Variants in TTLL11 observed in about 807,000 individuals in gnomAD.
TTLL11 encodes tubulin polyglutamylase TTLL11.
Under a neutral mutation model 51.7 loss-of-function variants are expected in TTLL11, and 42 were observed. The observed-to-expected ratio is 0.81, with a 90% confidence interval of 0.64 to 1.05. The LOEUF is 1.05. Among genes scored for constraint, TTLL11 ranks in the 50% least tolerant of loss-of-function variants. The probability of loss-of-function intolerance (pLI) is 0.00; values close to 1 mark genes in which losing one functional copy is unlikely to be tolerated. For missense variants in TTLL11, 799 were observed against 940.4 expected (o/e 0.85, Z 1.97); for synonymous variants, 381 against 383.5 (o/e 0.99, Z 0.08).
In TTLL11 at chr9:121,870,559, G is replaced by A; in HGVS notation, c.1671C>T (p.Ile557=). ...TTGTCCCCTTGATGCCCAGGAACCG[G>A]ATAAACAAATTTGCCATCCTGTCCA... ...RLVDRMANLF[I]RFLGIKGTMK... is the part of the protein sequence containing the mutation. The change falls in exon 7 of 9, where the codon ATC becomes ATT. Residue 557 remains isoleucine (I), a synonymous_variant. Transcript: ENST00000321582. 1 of 1,551,648 alleles carries A rather than the reference G, an allele frequency of 6.4e-7. No individual in the cohort carries two copies. The highest frequency in any genetic ancestry group is 8.7e-7 in the Non-Finnish European group (1 of 1,146,982).
intron 4 of TTLL11, among the ~76,000 whole-genome samples, chr9:121,981,897 G>A (rs1401248973): frequency 6.6e-6 from 1 of 152,150 alleles, no homozygotes; most frequent in Non-Finnish European, 1.5e-5. Flanking sequence ...CCCTGTGTGA[G>A]CCCTGGAAAT....
intron 1 of TTLL11, among the ~76,000 whole-genome samples, chr9:122,051,173 A>AGGT (rs1201847787): frequency 1.3e-5 from 2 of 152,216 alleles, no homozygotes; most frequent in African/African-American, 4.8e-5. Flanking sequence ...ACAATGTGCC[A>AGGT]GGTATCTTAC....
At chr9:121,951,720 A>G (rs956728734) in intron 6 of TTLL11, among the ~76,000 whole-genome samples, 3 of 152,232 alleles carry the variant, frequency 2.0e-5, no homozygotes, top group African/African-American at 7.2e-5. Flanking sequence ...CTCCCGCAGG[A>G]AAGAATTCAG....
chr9:121,891,490 G>A (rs931646190), intron 6 of TTLL11, among the ~76,000 whole-genome samples: 2 of 152,170 alleles, frequency 1.3e-5, no homozygotes, highest in African/African-American at 4.8e-5. Context: ...ACCAGCTGAA[G>A]TCCTTCCATA....
intron 1 of TTLL11, among the ~76,000 whole-genome samples, chr9:122,077,288 A>G (rs1845888450): frequency 6.6e-6 from 1 of 152,176 alleles, no homozygotes; most frequent in South Asian, 2.1e-4. Flanking sequence ...GTGAAGTTCA[A>G]AAAAGAATAA....
intron 6 of TTLL11, among the ~76,000 whole-genome samples, chr9:121,893,020 G>A (rs1338635816): frequency 6.6e-6 from 1 of 152,112 alleles, no homozygotes; most frequent in Non-Finnish European, 1.5e-5. Flanking sequence ...GGTCCCAGAG[G>A]AAATCATTAG....
intron 6 of TTLL11, among the ~76,000 whole-genome samples, chr9:121,935,841 A>G (rs1793611195): frequency 6.6e-6 from 1 of 152,154 alleles, no homozygotes; most frequent in South Asian, 2.1e-4. Context: ...GAGCTCAGGG[A>G]AATGATGCGT....
chr9:122,069,097 C>T (rs1387932375), intron 1 of TTLL11, among the ~76,000 whole-genome samples: 1 of 151,464 alleles, frequency 6.6e-6, no homozygotes, highest in Non-Finnish European at 1.5e-5. Flanking sequence ...ACCGTTTATC[C>T]TACTCAAGTG....
At chr9:121,899,724 T>G (rs1839700086) in intron 6 of TTLL11, among the ~76,000 whole-genome samples, 1 of 152,072 alleles carries the variant, frequency 6.6e-6, no homozygotes, top group Non-Finnish European at 1.5e-5. Flanking sequence ...TTTAATTAAT[T>G]TTTTCCTCCA....
intron 6 of TTLL11, among the ~76,000 whole-genome samples, chr9:121,926,077 G>A (rs1014944078): frequency 6.6e-6 from 1 of 152,184 alleles, no homozygotes; most frequent in African/African-American, 2.4e-5. Flanking sequence ...GTCTCTCGAG[G>A]GGTTTTTTAA....
intron 6 of TTLL11, among the ~76,000 whole-genome samples, chr9:121,908,433 G>C (rs1014957622): frequency 6.6e-6 from 1 of 152,214 alleles, no homozygotes; most frequent in African/African-American, 2.4e-5. Flanking sequence ...CATGTCTCCA[G>C]GTTAGAAGGC....
chr9:121,899,429 A>C (rs1435444673), intron 6 of TTLL11, among the ~76,000 whole-genome samples: 1 of 150,004 alleles, frequency 6.7e-6, no homozygotes, highest in East Asian at 1.9e-4. Context: ...TTAGAGACAG[A>C]GTCTCAGTCT....
Position 121,853,748 on chromosome 9 carries a change from G to A in TTLL11, c.1840+6589C>T, listed in dbSNP as rs933644357. 1.2e-4 allele frequency among the ~76,000 whole-genome samples: 18 copies of A among 152,136 alleles called. No individual in the cohort carries two copies. The highest frequency in any genetic ancestry group is 4.1e-4 in the South Asian group (2 of 4,822). On this transcript the variant is annotated intron_variant, in intron 8 of 8. Transcript: ENST00000321582. This position sits in a 1 kb window ranked among gnomAD's most constrained non-coding sequence, Gnocchi z 5.6. ...CCCCAGCCTCACTGTCCCCACTGTCGCCAGGGTGGGATGAGGAGGGCCTGG... is the reference window on the plus strand; with the variant it reads ...CCCCAGCCTCACTGTCCCCACTGTCACCAGGGTGGGATGAGGAGGGCCTGG...
At chr9:121,938,174 C>T (rs896388119) in intron 6 of TTLL11, among the ~76,000 whole-genome samples, 9 of 151,470 alleles carry the variant, frequency 5.9e-5, no homozygotes, top group East Asian at 1.9e-4. Context: ...CTGTAGTCCC[C>T]GCTACTCGGG....
At chr9:122,041,836 T>G (rs1390892065) in intron 1 of TTLL11, among the ~76,000 whole-genome samples, 1 of 152,142 alleles carries the variant, frequency 6.6e-6, no homozygotes, top group African/African-American at 2.4e-5. Flanking sequence ...ATTGTTAGGA[T>G]GTCAATACTA....
intron 8 of TTLL11, among the ~76,000 whole-genome samples, chr9:121,850,378 T>C (rs1837632913): frequency 6.6e-6 from 1 of 151,734 alleles, no homozygotes; most frequent in African/African-American, 2.4e-5. Context: ...GCCAATGGTG[T>C]AACTCTCAGT....
rs1485027954 is a variant in TTLL11 at position 121,818,700 on chromosome 9, T to C, written c.*3887A>G. ...TTGCCACTGGGCAGAGGAAGGCCAT[T>C]CCAGGCAGAGGGGCCAGCAAGACAA... On this transcript the variant is annotated 3_prime_UTR_variant, in exon 9 of 9. Coordinates refer to ENST00000321582, the MANE Select transcript of TTLL11 (RefSeq NM_001139442.2). The C allele has an allele frequency of 2.6e-5, 4 of 152,498 alleles. No individual in the cohort carries two copies. Among genetic ancestry groups the C allele is most frequent in the Non-Finnish European group, 5.9e-5 (4 of 68,292 alleles). 9.4% of individuals were successfully genotyped at this position (152,498 alleles called of 1,614,324 possible). A position where few individuals can be genotyped will look rare whatever the true frequency, so the allele number is the denominator to read the frequency against.
chr9:121,891,524 G>A (rs1015756717), intron 6 of TTLL11, among the ~76,000 whole-genome samples: 5 of 152,124 alleles, frequency 3.3e-5, no homozygotes, highest in East Asian at 1.9e-4. Flanking sequence ...GGGGCCAGCC[G>A]GTAAGTGTTG....
At chr9:121,870,201 A>C (rs1323116209) in intron 7 of TTLL11, among the ~76,000 whole-genome samples, 2 of 152,076 alleles carry the variant, frequency 1.3e-5, no homozygotes, top group Non-Finnish European at 2.9e-5. Flanking sequence ...GGTCTGCCTG[A>C]CTCCAAGGGG....
Sources: gnomAD v4.1 joint callset for allele counts (sites outside exome capture counted in the v4.1 genomes callset) on GRCh38, gnomAD v4.1.1 for gene constraint, Gnocchi (gnomAD v3.1) non-coding constraint, MANE v1.5 for transcripts, NCBI Gene and HGNC (gene_info 2026-07-23, HGNC 2026-07-21) for gene names.